Variants in FAM184B observed in about 807,000 individuals in gnomAD.
The protein encoded by FAM184B is family with sequence similarity 184 member B.
In FAM184B, 111 loss-of-function variants were observed where a neutral mutation model predicts 135.9. That is an observed-to-expected ratio of 0.82 (90% CI 0.70 to 0.96). The LOEUF (loss-of-function observed/expected upper bound fraction) is 0.96. Among genes scored for constraint, FAM184B ranks in the 40% least tolerant of loss-of-function variants. The pLI is 0.00. For missense variants in FAM184B, 1,375 were observed against 1,323.9 expected, an observed-to-expected ratio of 1.04 and a Z score of -0.60; for synonymous variants, 552 against 524.8, an observed-to-expected ratio of 1.05 and a Z score of -0.71.
chr4:17,665,898 G>A (rs1052649936), intron 7 of FAM184B, among the ~76,000 whole-genome samples: 1 of 149,922 alleles, frequency 6.7e-6, no homozygotes, highest in African/African-American at 2.5e-5. Context: ...TCCTCCCCCC[G>A]CCCCCCAGTT....
chr4:17,766,186 A>T (rs1718682717), intron 1 of FAM184B, among the ~76,000 whole-genome samples: 1 of 152,196 alleles, frequency 6.6e-6, no homozygotes. Flanking sequence ...CCACACCCAC[A>T]TCCTGCTGAT....
chr4:17,769,085 G>A lies in FAM184B; in HGVS notation c.141+12074C>T, dbSNP rs543429463. Reference sequence around the variant, plus strand: ...CCCAAAGTGCTGAGATTACAGGCATGAGCCACCATGCCTGGCCAGTAAATG... The same window carrying A: ...CCCAAAGTGCTGAGATTACAGGCATAAGCCACCATGCCTGGCCAGTAAATG... On this transcript the variant is annotated intron_variant, in intron 1 of 17. Transcript: ENST00000265018. 2.7e-4 allele frequency among the ~76,000 whole-genome samples: 41 copies of A among 152,286 alleles called. No homozygotes were observed. In the Middle Eastern group the frequency reaches 0.014, roughly 51 times the overall value.
intron 1 of FAM184B, among the ~76,000 whole-genome samples, chr4:17,773,138 T>C (rs1718854327): frequency 6.6e-6 from 1 of 152,224 alleles, no homozygotes. Flanking sequence ...AATACGATGT[T>C]GGACAAGAAT....
chr4:17,747,180 G>T (rs1718185129), intron 1 of FAM184B, among the ~76,000 whole-genome samples: 1 of 152,166 alleles, frequency 6.6e-6, no homozygotes, highest in Non-Finnish European at 1.5e-5. Context: ...CATGGTGGGG[G>T]GCGGTGTGAG....
chr4:17,710,788 C>T (rs994406024), intron 1 of FAM184B, among the ~76,000 whole-genome samples: 8 of 152,186 alleles, frequency 5.3e-5, no homozygotes, highest in African/African-American at 7.2e-5. Context: ...AGCCACAGGT[C>T]GGTGTTTCCT....
chr4:17,661,690 AG>A (rs1313385228), intron 8 of FAM184B, among the ~76,000 whole-genome samples: 18 of 152,244 alleles, frequency 1.2e-4, no homozygotes, highest in Non-Finnish European at 2.5e-4. Context: ...GCAATGAAGC[AG>A]GGATACCTGG....
chr4:17,685,198 TAAAAAAAAAA>T (rs56051873), intron 7 of FAM184B, among the ~76,000 whole-genome samples: 1 of 103,536 alleles, frequency 9.7e-6, no homozygotes. Flanking sequence ...CCCTGGAACT[TAAAAAAAAAA>T]AAAAAAAAAA....
rs149822163 is a variant in FAM184B, at chr4:17,763,047, G to A, written c.141+18112C>T. On this transcript the variant is annotated intron_variant, in intron 1 of 17. Transcript: ENST00000265018. The stretch of plus-strand genomic sequence containing the variant: ...GTGTTTTCTATGGTTTTTGGACACT[G>A]CATCCCTGGCTGCTGTCAATGGGAT... Among the ~76,000 whole-genome samples, 52 of 152,278 alleles carry A rather than the reference G, an allele frequency of 3.4e-4. No individual in the cohort carries two copies. In the East Asian group the frequency reaches 9.9e-3, roughly 29 times the overall value.
chr4:17,679,467 G>C (rs557633608), intron 7 of FAM184B, among the ~76,000 whole-genome samples: 1 of 152,252 alleles, frequency 6.6e-6, no homozygotes, highest in African/African-American at 2.4e-5. Context: ...AAACCACCCT[G>C]TGATACCACC....
chr4:17,652,635 T>C lies in FAM184B; in HGVS notation c.2191+195A>G, dbSNP rs1007880366. Among the ~76,000 whole-genome samples the C allele has an allele frequency of 2.7e-5, 4 of 148,576 alleles. No individual in the cohort carries two copies. The East Asian group carries it at 8.0e-4, about 30-fold the overall frequency. ...GCCCGAGACCCCTGGAGCCCTGGCC[T>C]GTGTGCCTGAGAGCCTGGAGCCCTG... On this transcript the variant is annotated intron_variant, in intron 11 of 17. Transcript: ENST00000265018.
At chr4:17,658,802 T>A (rs910913089) in intron 9 of FAM184B, among the ~76,000 whole-genome samples, 1 of 151,942 alleles carries the variant, frequency 6.6e-6, no homozygotes, top group Non-Finnish European at 1.5e-5. Context: ...TCAAGAGAAA[T>A]CACTAGGGGA....
At position 17,632,524 on chromosome 4, in the gene FAM184B, A is replaced by G; in HGVS notation, c.*8T>C. ...AAGTATCCTCTGTGATGTATCCCAAAGGTTAGCTTAGAAAGAAAAGTACTT... is the reference window on the plus strand; with the variant it reads ...AAGTATCCTCTGTGATGTATCCCAAGGGTTAGCTTAGAAAGAAAAGTACTT... On this transcript the variant is annotated 3_prime_UTR_variant, in exon 18 of 18. Transcript: ENST00000265018. 1 of 1,544,262 alleles carries G rather than the reference A, an allele frequency of 6.5e-7. No homozygotes were observed. The highest frequency in any genetic ancestry group is 8.8e-7 in the Non-Finnish European group (1 of 1,141,022).
At chr4:17,760,734 T>C (rs533316189) in intron 1 of FAM184B, among the ~76,000 whole-genome samples, 1 of 152,206 alleles carries the variant, frequency 6.6e-6, no homozygotes, top group South Asian at 2.1e-4. Flanking sequence ...AATGGGAGTC[T>C]GATCCCTAAA....
At chr4:17,759,861 T>A (rs970754917) in intron 1 of FAM184B, among the ~76,000 whole-genome samples, 1 of 152,196 alleles carries the variant, frequency 6.6e-6, no homozygotes, top group Non-Finnish European at 1.5e-5. Context: ...GTTTTATACA[T>A]TCATTTGCTA....
chr4:17,682,276 A>G (rs918560464), intron 7 of FAM184B, among the ~76,000 whole-genome samples: 5 of 152,138 alleles, frequency 3.3e-5, no homozygotes, highest in African/African-American at 9.7e-5. Context: ...CTGGAAACCA[A>G]TTAGTAAAAC....
rs1432726014 is a variant in FAM184B, at chr4:17,674,573, CGCTTGACTCTGTCTTTCACA to C, written c.1597-9934_1597-9915del. Among the ~76,000 whole-genome samples, 7 of 152,150 alleles carry C rather than the reference CGCTTGACTCTGTCTTTCACA, an allele frequency of 4.6e-5. No homozygotes were observed. In the South Asian group the frequency reaches 1.2e-3, roughly 27 times the overall value. Reference sequence around the variant, plus strand: ...AAGATAACAATGAAGTTTGCCACATCGCTTGACTCTGTCTTTCACAAGAGATTTCTCTGTAGCATACGATA... The same window carrying C: ...AAGATAACAATGAAGTTTGCCACATCAGAGATTTCTCTGTAGCATACGATA... On this transcript the variant is annotated intron_variant, in intron 7 of 17. Coordinates refer to ENST00000265018, the MANE Select transcript of FAM184B (RefSeq NM_015688.2).
chr4:17,781,325 C>T lies in FAM184B; in HGVS notation c.-26G>A. 1 of 1,506,230 alleles carries T rather than the reference C, an allele frequency of 6.6e-7. No individual in the cohort carries two copies. The highest frequency in any genetic ancestry group is 8.9e-7 in the Non-Finnish European group (1 of 1,120,400). 93.3% of individuals were successfully genotyped at this position (1,506,230 alleles called of 1,614,324 possible). On this transcript the variant is annotated 5_prime_UTR_variant, in exon 1 of 18. Coordinates refer to ENST00000265018, the MANE Select transcript of FAM184B (RefSeq NM_015688.2). This position sits in a 1 kb window ranked among gnomAD's most constrained non-coding sequence, Gnocchi z 6.5. ...CGCTAAAACGCGCCCAGCACTCAGACTCTCTCGTTTTCTCCCTGCCCACCG... is the reference window on the plus strand; with the variant it reads ...CGCTAAAACGCGCCCAGCACTCAGATTCTCTCGTTTTCTCCCTGCCCACCG...
At chr4:17,654,449 T>C (rs929015772) in intron 10 of FAM184B, among the ~76,000 whole-genome samples, 1 of 152,068 alleles carries the variant, frequency 6.6e-6, no homozygotes, top group Admixed American at 6.6e-5. Flanking sequence ...TCCCGAAGTG[T>C]TGAGATTGCA....
chr4:17,706,968 A>T (rs1046882431), intron 3 of FAM184B, among the ~76,000 whole-genome samples: 16 of 151,996 alleles, frequency 1.1e-4, no homozygotes, highest in African/African-American at 3.9e-4. Context: ...TTGTATTTTT[A>T]GTAGAGACAG....
Sources: allele counts gnomAD v4.1 joint callset (sites outside exome capture counted in the v4.1 genomes callset), GRCh38; gene constraint gnomAD v4.1.1; non-coding constraint Gnocchi (gnomAD v3.1); transcripts MANE v1.5; gene names NCBI Gene and HGNC (gene_info 2026-07-23, HGNC 2026-07-21).